MBD5: variants seen among roughly 807,000 people sequenced by gnomAD.
The protein encoded by MBD5 is methyl-CpG-binding domain protein 5.
A neutral mutation model predicts 117.3 loss-of-function variants in MBD5; 13 were observed. The observed-to-expected ratio is 0.11, with a 90% CI of 0.07 to 0.18. The LOEUF is 0.18. Among genes scored for constraint, MBD5 ranks in the 10% least tolerant of loss-of-function variants. The pLI is 1.00. For synonymous variants in MBD5, 727 were observed against 766.4 expected, an observed-to-expected ratio of 0.95 and a Z score of 0.85; for missense variants, 1,879 against 2,093.8, an observed-to-expected ratio of 0.90 and a Z score of 2.00.
intron 11 of MBD5, among the ~76,000 whole-genome samples, chr2:148,497,242 T>C (rs1432552818): frequency 6.6e-6 from 1 of 152,100 alleles, no homozygotes; most frequent in African/African-American, 2.4e-5. Flanking sequence ...ATTCAATAAA[T>C]ATTTATTAGG....
chr2:148,238,919 A>C (rs1234004062), intron 3 of MBD5, among the ~76,000 whole-genome samples: 2 of 152,078 alleles, frequency 1.3e-5, no homozygotes, highest in African/African-American at 4.8e-5. Context: ...ATTTCCAAAT[A>C]AGTTCACATT....
chr2:148,136,619 T>C (rs1697177611), intron 1 of MBD5, among the ~76,000 whole-genome samples: 1 of 152,168 alleles, frequency 6.6e-6, no homozygotes, highest in East Asian at 1.9e-4. Flanking sequence ...AGGTAAACAG[T>C]TATTAGGTCA....
intron 9 of MBD5, among the ~76,000 whole-genome samples, chr2:148,484,869 G>A (rs897032823): frequency 2.6e-5 from 4 of 152,152 alleles, no homozygotes; most frequent in Non-Finnish European, 4.4e-5. Flanking sequence ...ACAGGGAAAT[G>A]TACATCATGA....
chr2:148,418,674 G>A (rs2105243016), intron 4 of MBD5, among the ~76,000 whole-genome samples: 1 of 152,150 alleles, frequency 6.6e-6, no homozygotes. Flanking sequence ...TATCCAAGAA[G>A]GTGAAAGATG....
At chr2:148,482,974 AT>A (rs1681205320) in intron 8 of MBD5, 135 bp from the exon 9 acceptor site, 14 of 935,644 alleles carry the variant, frequency 1.5e-5, no homozygotes, top group Admixed American at 7.1e-5. Context: ...TCTGATTACA[AT>A]TAATCTAGTT....
At chr2:148,158,360 C>T (rs571881433) in intron 1 of MBD5, among the ~76,000 whole-genome samples, 3 of 152,276 alleles carry the variant, frequency 2.0e-5, no homozygotes, top group South Asian at 2.1e-4. Flanking sequence ...ATTACTTGAA[C>T]GCCTTTAAGC....
At chr2:148,180,989 A>G (rs1353229777) in intron 2 of MBD5, among the ~76,000 whole-genome samples, 1 of 152,178 alleles carries the variant, frequency 6.6e-6, no homozygotes, top group Non-Finnish European at 1.5e-5. Flanking sequence ...AATGAAAAGG[A>G]AAAGAGAGAA....
chr2:148,330,094 C>CACACACACACACACACACAT (rs1702601718), intron 3 of MBD5, among the ~76,000 whole-genome samples: 1 of 136,742 alleles, frequency 7.3e-6, no homozygotes, highest in Non-Finnish European at 1.6e-5. Flanking sequence ...GCCATACACA[C>CACACACACACACACACACAT]ACACACACAC....
In MBD5 at chr2:148,294,501, G is replaced by GTTTTTTTTTTTTTGTTTTTTTTTTTTT. The variant is rs761709621; in HGVS notation, c.-679-47700_-679-47699insGTTTTTTTTTTTTTTTTTTTTTTTTTT. The stretch of plus-strand genomic sequence containing the variant: ...GGCCTCCCAAAGTGCTGGGATTACA[G>GTTTTTTTTTTTTTGTTTTTTTTTTTTT]TTTTTTTTTTTTTTTTTTTTGAGAT... On this transcript the variant is annotated intron_variant, in intron 3 of 13. Transcript: ENST00000642680. Among the ~76,000 whole-genome samples the GTTTTTTTTTTTTTGTTTTTTTTTTTTT allele has an allele frequency of 1.8e-4, 20 of 113,260 alleles. 1 individual carries two copies. The highest frequency in any genetic ancestry group is 4.7e-4 in the Admixed American group (5 of 10,530). The allele number at this position is 113,260 out of a possible 152,430, so 74.3% of individuals were successfully genotyped here.
chr2:148,510,189 T>C, intron 13 of MBD5, 54 bp downstream of exon 13: 7 of 1,365,198 alleles, frequency 5.1e-6, no homozygotes, highest in Non-Finnish European at 6.3e-6. Context: ...TAAATTGTGT[T>C]ACACTTTTTG....
intron 1 of MBD5, among the ~76,000 whole-genome samples, chr2:148,111,014 A>G (rs1182014285): frequency 6.6e-6 from 1 of 151,968 alleles, no homozygotes; most frequent in African/African-American, 2.4e-5. Flanking sequence ...TCTGTTCTCC[A>G]AATTTAATCG....
At chr2:148,037,043 G>A (rs1435319725) in intron 1 of MBD5, among the ~76,000 whole-genome samples, 1 of 151,912 alleles carries the variant, frequency 6.6e-6, no homozygotes, top group Non-Finnish European at 1.5e-5. Flanking sequence ...TATAATTTAT[G>A]CTCATAATTG....
intron 4 of MBD5, among the ~76,000 whole-genome samples, chr2:148,392,338 A>G (rs1302547449): frequency 6.6e-6 from 1 of 152,210 alleles, no homozygotes; most frequent in Non-Finnish European, 1.5e-5. Flanking sequence ...ATTATAGATC[A>G]GTGTTTTTCA....
chr2:148,078,464 G>A (rs1054191402), intron 1 of MBD5, among the ~76,000 whole-genome samples: 1 of 152,098 alleles, frequency 6.6e-6, no homozygotes, highest in Non-Finnish European at 1.5e-5. Flanking sequence ...GCTTACTATG[G>A]ATTACATACA....
intron 1 of MBD5, among the ~76,000 whole-genome samples, chr2:148,139,475 G>A (rs569677967): frequency 7.2e-5 from 11 of 152,278 alleles, no homozygotes; most frequent in Admixed American, 4.6e-4. Context: ...GCCTCCGAAA[G>A]CGCTGGGATT....
At chr2:148,107,565 C>T (rs1388699765) in intron 1 of MBD5, among the ~76,000 whole-genome samples, 1 of 151,806 alleles carries the variant, frequency 6.6e-6, no homozygotes, top group Non-Finnish European at 1.5e-5. Flanking sequence ...TTTTTTATTT[C>T]TCCTTTCCAG....
intron 1 of MBD5, among the ~76,000 whole-genome samples, chr2:148,168,729 C>G (rs1050648700): frequency 6.6e-6 from 1 of 151,742 alleles, no homozygotes; most frequent in Non-Finnish European, 1.5e-5. Flanking sequence ...GGTGCCAGAG[C>G]GAGACCCTGT....
intron 3 of MBD5, among the ~76,000 whole-genome samples, chr2:148,254,817 C>T (rs750589479): frequency 7.9e-5 from 12 of 152,164 alleles, no homozygotes; most frequent in East Asian, 1.9e-4. Context: ...CTATGCACTG[C>T]GGTGCTTGGG....
intron 1 of MBD5, among the ~76,000 whole-genome samples, chr2:148,151,944 G>A (rs1697685616): frequency 6.6e-6 from 1 of 151,822 alleles, no homozygotes. Context: ...CTTTCCTTCA[G>A]TTCTGCTCTG....
Sources: gnomAD v4.1 joint callset for allele counts (sites outside exome capture counted in the v4.1 genomes callset) on GRCh38, gnomAD v4.1.1 for gene constraint, MANE v1.5 for transcripts, NCBI Gene and HGNC (gene_info 2026-07-23, HGNC 2026-07-21) for gene names.